The following PCCB variants were observed in gnomAD, a reference collection of about 807,000 sequenced individuals.
PCCB encodes propionyl-CoA carboxylase subunit beta, also known as propionyl-CoA carboxylase beta chain, mitochondrial.
A neutral mutation model predicts 60.7 loss-of-function variants in PCCB; 43 were observed. The ratio of observed to expected loss-of-function variants is 0.71; its 90% confidence interval spans 0.55 to 0.91. PCCB has a LOEUF of 0.91. Ranked by LOEUF, PCCB falls within the 40% of genes least tolerant of loss-of-function variation. The pLI, the probability that PCCB is intolerant of heterozygous loss-of-function variation, is 0.00. For missense variants in PCCB, 766 were observed against 702.8 expected (o/e 1.09, Z -1.02); for synonymous variants, 276 against 255.9 (o/e 1.08, Z -0.75).
intron 6 of PCCB, among the ~76,000 whole-genome samples, chr3:136,291,968 A>G (rs1933714319): frequency 6.6e-6 from 1 of 152,102 alleles, no homozygotes; most frequent in Non-Finnish European, 1.5e-5. Context: ...TTTGTCAGCT[A>G]TAGTTCCGGT....
chr3:136,253,386 G>T (rs1291259563), intron 1 of PCCB, among the ~76,000 whole-genome samples: 1 of 150,882 alleles, frequency 6.6e-6, no homozygotes, highest in African/African-American at 2.4e-5. Context: ...ACTGCACATG[G>T]CCTCTTTTTT....
intron 8 of PCCB, among the ~76,000 whole-genome samples, chr3:136,299,872 A>ATGCATGTGTATGTACGTATATGCG (rs1303353275): frequency 3.3e-5 from 5 of 151,528 alleles, no homozygotes; most frequent in Admixed American, 6.6e-5. Context: ...ATGTATATGC[A>ATGCATGTGTATGTACGTATATGCG]TGCATGTGTA....
At chr3:136,327,062 C>A in intron 11 of PCCB, 93 bp from the exon 12 acceptor site, 2 of 1,267,082 alleles carry the variant, frequency 1.6e-6, no homozygotes, top group Non-Finnish European at 2.3e-6. Flanking sequence ...AAGGAATGGC[C>A]CTCTCCAGAG....
intron 6 of PCCB, among the ~76,000 whole-genome samples, chr3:136,288,253 A>C (rs1171448390): frequency 1.3e-5 from 2 of 152,044 alleles, no homozygotes. Flanking sequence ...TTGTTAGATG[A>C]AGTATGTCCA....
intron 10 of PCCB, among the ~76,000 whole-genome samples, chr3:136,325,626 G>T (rs1258868145): frequency 1.3e-5 from 2 of 152,038 alleles, no homozygotes; most frequent in African/African-American, 4.8e-5. Flanking sequence ...CAAAGTGCTG[G>T]GATTACAGGT....
At chr3:136,270,958 T>C (rs1464258009) in intron 5 of PCCB, among the ~76,000 whole-genome samples, 1 of 152,212 alleles carries the variant, frequency 6.6e-6, no homozygotes, top group Non-Finnish European at 1.5e-5. Flanking sequence ...TCTATTCATG[T>C]CCTTTGCCTA....
intron 10 of PCCB, among the ~76,000 whole-genome samples, chr3:136,318,911 C>T (rs775855303): frequency 6.6e-6 from 1 of 152,144 alleles, no homozygotes; most frequent in Non-Finnish European, 1.5e-5. Context: ...TCAGTTTTCA[C>T]TTTTTCTGGG....
intron 6 of PCCB, 59 bp downstream of exon 6, chr3:136,284,006 A>T (rs892418989): frequency 2.9e-6 from 3 of 1,025,030 alleles, no homozygotes; most frequent in Non-Finnish European, 4.6e-6. Flanking sequence ...CCTTACCTGC[A>T]ATAAAAATAA....
intron 5 of PCCB, among the ~76,000 whole-genome samples, chr3:136,277,634 G>A (rs1036989565): frequency 1.3e-5 from 2 of 152,016 alleles, no homozygotes; most frequent in Non-Finnish European, 2.9e-5. Flanking sequence ...GGTCATTAGG[G>A]TAATGTTCCA....
At chr3:136,268,061 T>TGTCC (rs1446773482) in intron 5 of PCCB, among the ~76,000 whole-genome samples, 2 of 92,556 alleles carry the variant, frequency 2.2e-5, no homozygotes, top group African/African-American at 7.0e-5. Context: ...TGTGTGTGTG[T>TGTCC]GTGCGTGTGT....
chr3:136,271,686 A>G (rs1291610920), intron 5 of PCCB, among the ~76,000 whole-genome samples: 1 of 152,120 alleles, frequency 6.6e-6, no homozygotes, highest in Non-Finnish European at 1.5e-5. Context: ...TAGCAGAGCT[A>G]TTTATTTGTC....
chr3:136,251,752 G>A (rs1197063833), intron 1 of PCCB, among the ~76,000 whole-genome samples: 1 of 152,088 alleles, frequency 6.6e-6, no homozygotes, highest in Non-Finnish European at 1.5e-5. Context: ...ATTCTTCCCT[G>A]GAACATCGCC....
intron 9 of PCCB, among the ~76,000 whole-genome samples, chr3:136,311,459 C>G (rs1320419135): frequency 1.3e-5 from 2 of 152,088 alleles, no homozygotes; most frequent in Non-Finnish European, 2.9e-5. Flanking sequence ...AAGCAATCCT[C>G]CCACATTGCC....
Position 136,298,024 on chromosome 3 carries a change from C to T in PCCB, c.836C>T (p.Pro279Leu), listed in dbSNP as rs780837200. 2.5e-6 allele frequency: 4 copies of T among 1,614,126 alleles called. No homozygotes were observed. In the Admixed American group the frequency reaches 5.0e-5, roughly 20 times the overall value. The change falls in exon 8 of 15, where the codon CCC becomes CTC. Residue 279 changes from proline (P) to leucine (L), a missense_variant. Physicochemically the swap from Pro to Leu is moderately conservative, Grantham distance 98. Coordinates refer to ENST00000251654, the MANE Select transcript of PCCB (RefSeq NM_000532.5). ...CTCCGGGATTTCTTCAACTACCTGCCCCTGAGCAGTCAGGACCCGGCTCCC... is the reference window on the plus strand; with the variant it reads ...CTCCGGGATTTCTTCAACTACCTGCTCCTGAGCAGTCAGGACCCGGCTCCC... ...CNLRDFFNYL[P>L]LSSQDPAPVR... is the part of the protein sequence containing the mutation.
chr3:136,306,594 A>G (rs1934456482), intron 9 of PCCB, among the ~76,000 whole-genome samples: 1 of 122,924 alleles, frequency 8.1e-6, no homozygotes, highest in Non-Finnish European at 1.8e-5. Context: ...CCTACACTGT[A>G]TACATATATG....
chr3:136,252,166 G>A, intron 1 of PCCB: 1 of 403,108 alleles, frequency 2.5e-6, no homozygotes, highest in South Asian at 1.8e-5. Context: ...ATGGGTGTGA[G>A]CCACTGCACC....
chr3:136,258,702 C>G (rs895412445), intron 3 of PCCB, among the ~76,000 whole-genome samples: 2 of 152,134 alleles, frequency 1.3e-5, no homozygotes, highest in Non-Finnish European at 2.9e-5. Flanking sequence ...CTCTTTTAGG[C>G]TAGCGATTGT....
intron 9 of PCCB, among the ~76,000 whole-genome samples, chr3:136,314,445 C>T (rs937021904): frequency 3.3e-5 from 5 of 151,966 alleles, no homozygotes; most frequent in African/African-American, 7.3e-5. Flanking sequence ...GCTCGAGCTT[C>T]GGAGTTTGAG....
intron 9 of PCCB, 22 bp downstream of exon 9, chr3:136,301,133 C>A: frequency 6.3e-7 from 1 of 1,581,792 alleles, no homozygotes; most frequent in Non-Finnish European, 8.7e-7. Context: ...ATCTGTTTGT[C>A]TTGCCTGTCC....
Sources: gnomAD v4.1 joint callset for allele counts (sites outside exome capture counted in the v4.1 genomes callset) on GRCh38, gnomAD v4.1.1 for gene constraint, MANE v1.5 for transcripts, NCBI Gene and HGNC (gene_info 2026-07-23, HGNC 2026-07-21) for gene names.